Variants in GRID2 observed in about 807,000 individuals in gnomAD.
The protein encoded by GRID2 is glutamate ionotropic receptor delta type subunit 2.
Under a neutral mutation model 114.8 loss-of-function variants are expected in GRID2, and 33 were observed. The ratio of observed to expected loss-of-function variants is 0.29; its 90% CI spans 0.22 to 0.38. The LOEUF (loss-of-function observed/expected upper bound fraction) is 0.38. GRID2 is among the 10% of genes least tolerant of loss of function. The pLI is 1.00. For synonymous variants in GRID2, 505 were observed against 449.9 expected (o/e 1.12, Z -1.55); for missense variants, 1,184 against 1,257.7 (o/e 0.94, Z 0.89).
intron 2 of GRID2, among the ~76,000 whole-genome samples, chr4:93,039,005 A>C (rs1725222437): frequency 6.6e-6 from 1 of 152,204 alleles, no homozygotes; most frequent in Admixed American, 6.5e-5. Flanking sequence ...TCTATGATAA[A>C]GACACATGCA....
At chr4:92,500,268 A>C (rs986227890) in intron 1 of GRID2, among the ~76,000 whole-genome samples, 2 of 151,558 alleles carry the variant, frequency 1.3e-5, no homozygotes, top group Non-Finnish European at 2.9e-5. Context: ...TTTCTTTCAT[A>C]ATTTCTATTT....
At chr4:93,737,339 A>G (rs1287551514) in intron 14 of GRID2, among the ~76,000 whole-genome samples, 1 of 152,090 alleles carries the variant, frequency 6.6e-6, no homozygotes, top group Non-Finnish European at 1.5e-5. Context: ...GTAGATTGTC[A>G]TGATCCTACC....
At chr4:92,640,113 A>G (rs1301881133) in intron 2 of GRID2, among the ~76,000 whole-genome samples, 1 of 151,756 alleles carries the variant, frequency 6.6e-6, no homozygotes, top group East Asian at 1.9e-4. Flanking sequence ...AAAATTAGCT[A>G]CTTTTAGAAT....
At chr4:92,411,598 T>C (rs1194826768) in intron 1 of GRID2, among the ~76,000 whole-genome samples, 5 of 147,974 alleles carry the variant, frequency 3.4e-5, no homozygotes, top group African/African-American at 1.3e-4. Context: ...AAGAATAAAT[T>C]TGTGCATTAT....
chr4:93,354,734 ATATT>A (rs1249771223), intron 8 of GRID2, among the ~76,000 whole-genome samples: 31 of 145,218 alleles, frequency 2.1e-4, no homozygotes, highest in African/African-American at 7.4e-4. Context: ...TGTATATGTA[ATATT>A]TATGTATATG....
At chr4:92,538,074 T>A (rs1725742563) in intron 1 of GRID2, among the ~76,000 whole-genome samples, 1 of 152,186 alleles carries the variant, frequency 6.6e-6, no homozygotes, top group African/African-American at 2.4e-5. Context: ...TTTCTGTATT[T>A]ATTAGTTACT....
At chr4:92,941,763 G>T (rs995747726) in intron 2 of GRID2, among the ~76,000 whole-genome samples, 1 of 152,124 alleles carries the variant, frequency 6.6e-6, no homozygotes, top group Non-Finnish European at 1.5e-5. Context: ...ATTCTCGTAT[G>T]TTGTGTCTTT....
intron 7 of GRID2, among the ~76,000 whole-genome samples, chr4:93,234,923 C>A (rs192977357): frequency 1.5e-4 from 23 of 152,128 alleles, no homozygotes; most frequent in Non-Finnish European, 2.6e-4. Flanking sequence ...GGAAATTAGA[C>A]GAGTATGATA....
At chr4:92,718,540 G>T (rs1359202402) in intron 2 of GRID2, among the ~76,000 whole-genome samples, 1 of 152,036 alleles carries the variant, frequency 6.6e-6, no homozygotes, top group Non-Finnish European at 1.5e-5. Context: ...GAGGCAGGAC[G>T]ATTATTTGAG....
At chr4:93,472,659 T>G (rs28624162) in intron 11 of GRID2, among the ~76,000 whole-genome samples, 36,939 of 152,074 alleles carry the variant, frequency 0.24, 5,483 homozygotes, top group Non-Finnish European at 0.34. Context: ...AGGTTGGAGA[T>G]AAGACTAGAG....
At chr4:92,346,619 C>T (rs1023874837) in intron 1 of GRID2, among the ~76,000 whole-genome samples, 5 of 152,228 alleles carry the variant, frequency 3.3e-5, no homozygotes, top group African/African-American at 1.2e-4. Flanking sequence ...CCTGCCTTGG[C>T]CTCTGGGATT....
At chr4:93,506,287 G>A (rs1196925309) in intron 12 of GRID2, among the ~76,000 whole-genome samples, 1 of 152,096 alleles carries the variant, frequency 6.6e-6, no homozygotes, top group Non-Finnish European at 1.5e-5. Context: ...AAGTCTGTCA[G>A]GGTAGACTTC....
intron 13 of GRID2, among the ~76,000 whole-genome samples, chr4:93,579,485 T>G (rs766621358): frequency 1.3e-5 from 2 of 152,038 alleles, no homozygotes; most frequent in Non-Finnish European, 2.9e-5. Context: ...TTTTCCTTCC[T>G]AAACTTATTT....
chr4:92,634,069 T>G (rs1730941670), intron 2 of GRID2, among the ~76,000 whole-genome samples: 1 of 150,790 alleles, frequency 6.6e-6, no homozygotes, highest in Non-Finnish European at 1.5e-5. Flanking sequence ...AGAATTGTCT[T>G]GGGCCACATA....
intron 1 of GRID2, among the ~76,000 whole-genome samples, chr4:92,542,548 G>A (rs574131985): frequency 1.3e-4 from 19 of 151,790 alleles, no homozygotes; most frequent in Non-Finnish European, 2.6e-4. Context: ...AACAAACATC[G>A]TATGTTCTCA....
intron 12 of GRID2, among the ~76,000 whole-genome samples, chr4:93,497,445 A>C (rs1484552889): frequency 6.6e-6 from 1 of 151,786 alleles, no homozygotes; most frequent in Non-Finnish European, 1.5e-5. Context: ...AATAAGTCCA[A>C]GGTCATGAAG....
At chr4:92,877,239 A>C (rs1376108957) in intron 2 of GRID2, among the ~76,000 whole-genome samples, 2 of 152,192 alleles carry the variant, frequency 1.3e-5, no homozygotes, top group Non-Finnish European at 2.9e-5. Context: ...AGTACACTGC[A>C]TCTAAGGTAG....
At chr4:93,485,354 T>G (rs1050220737) in intron 11 of GRID2, among the ~76,000 whole-genome samples, 2 of 151,796 alleles carry the variant, frequency 1.3e-5, no homozygotes, top group African/African-American at 4.8e-5. Flanking sequence ...TCACTCTCTT[T>G]ATGGTATCTT....
chr4:92,792,263 T>C (rs550574977), intron 2 of GRID2, among the ~76,000 whole-genome samples: 1 of 151,936 alleles, frequency 6.6e-6, no homozygotes, highest in South Asian at 2.1e-4. Flanking sequence ...TCAAGCATGG[T>C]AATAAAATCA....
Sources: gnomAD v4.1 joint callset for allele counts (sites outside exome capture counted in the v4.1 genomes callset) on GRCh38, gnomAD v4.1.1 for gene constraint, MANE v1.5 for transcripts, NCBI Gene and HGNC (gene_info 2026-07-23, HGNC 2026-07-21) for gene names.